CHRNA7: variants seen among roughly 807,000 people sequenced by gnomAD.
CHRNA7 encodes neuronal acetylcholine receptor subunit alpha-7.
In CHRNA7, 17 loss-of-function variants were observed where a neutral mutation model predicts 48.0. The ratio of observed to expected loss-of-function variants is 0.35; its 90% CI spans 0.24 to 0.53. The LOEUF (loss-of-function observed/expected upper bound fraction) is 0.53. Ranked by LOEUF, CHRNA7 falls within the 20% of genes least tolerant of loss-of-function variation. CHRNA7 has a pLI of 0.92. For missense variants in CHRNA7, 155 were observed against 577.7 expected (o/e 0.27, Z 7.50); for synonymous variants, 75 against 242.3 (o/e 0.31, Z 6.41).
At chr15:32,075,917 A>G (rs2050130220) in intron 2 of CHRNA7, among the ~76,000 whole-genome samples, 1 of 152,048 alleles carries the variant, frequency 6.6e-6, no homozygotes, top group Admixed American at 6.5e-5. Context: ...TATATTTTTA[A>G]AAATTATCTT....
intron 2 of CHRNA7, among the ~76,000 whole-genome samples, chr15:32,056,937 A>G (rs1040348576): frequency 3.3e-5 from 5 of 152,228 alleles, no homozygotes; most frequent in Non-Finnish European, 5.9e-5. Flanking sequence ...TGAATCAAGC[A>G]GCACTCAGGA....
intron 2 of CHRNA7, among the ~76,000 whole-genome samples, chr15:32,060,418 A>G (rs1264587749): frequency 1.3e-5 from 2 of 152,222 alleles, no homozygotes; most frequent in South Asian, 2.1e-4. Context: ...TAAATTATGC[A>G]TTTTCACATA....
intron 2 of CHRNA7, among the ~76,000 whole-genome samples, chr15:32,070,977 G>A (rs567416859): frequency 2.6e-5 from 4 of 152,074 alleles, no homozygotes; most frequent in East Asian, 1.9e-4. Context: ...ATGAGCCACC[G>A]TGCCTGGCCT....
intron 2 of CHRNA7, among the ~76,000 whole-genome samples, chr15:32,081,345 C>T (rs1032672857): frequency 6.6e-6 from 1 of 152,044 alleles, no homozygotes; most frequent in African/African-American, 2.4e-5. Context: ...AGAGTATTTA[C>T]ATTTAATGTA....
intron 2 of CHRNA7, 102 bp from the exon 3 acceptor site, chr15:32,101,201 C>G (rs960170256): frequency 7.9e-7 from 1 of 1,271,956 alleles, no homozygotes; most frequent in East Asian, 2.3e-5. Flanking sequence ...TTTCCACACA[C>G]AACAACGCTC....
At chr15:32,086,361 C>G (rs138656017) in intron 2 of CHRNA7, among the ~76,000 whole-genome samples, 1,133 of 71,378 alleles carry the variant, frequency 0.016, 21 homozygotes, top group African/African-American at 0.057. Context: ...GAGCGAGACT[C>G]CATCTCAAAA....
chr15:32,049,743 C>G (rs375733199), intron 2 of CHRNA7, among the ~76,000 whole-genome samples: 12 of 152,240 alleles, frequency 7.9e-5, no homozygotes, highest in African/African-American at 1.4e-4. Flanking sequence ...TCCTAGTCTC[C>G]ATGGTCTTTA....
intron 2 of CHRNA7, among the ~76,000 whole-genome samples, chr15:32,073,092 T>C (rs2050083629): frequency 6.6e-6 from 1 of 152,126 alleles, no homozygotes; most frequent in South Asian, 2.1e-4. Context: ...CTGCAGGCAG[T>C]CAACTCCAAC....
At chr15:32,116,233 A>AT in intron 4 of CHRNA7, among the ~76,000 whole-genome samples, 1 of 152,202 alleles carries the variant, frequency 6.6e-6, no homozygotes, top group Admixed American at 6.5e-5. Flanking sequence ...TGTCTGTCCT[A>AT]TTTCTCACTC....
At chr15:32,108,021 A>G (rs913355456) in intron 3 of CHRNA7, among the ~76,000 whole-genome samples, 1 of 152,084 alleles carries the variant, frequency 6.6e-6, no homozygotes, top group African/African-American at 2.4e-5. Flanking sequence ...TTATTATACC[A>G]TAATGTATTT....
At chr15:32,076,382 G>T (rs1285654191) in intron 2 of CHRNA7, among the ~76,000 whole-genome samples, 17 of 152,160 alleles carry the variant, frequency 1.1e-4, no homozygotes, top group Non-Finnish European at 2.5e-4. Context: ...TTTCTTGGCA[G>T]ATTGGCCTGT....
At chr15:32,136,319 C>T (rs963913203) in intron 4 of CHRNA7, among the ~76,000 whole-genome samples, 8 of 151,806 alleles carry the variant, frequency 5.3e-5, no homozygotes, top group Non-Finnish European at 1.0e-4. Context: ...GGTGAAACCC[C>T]ATCTCTACTA....
At chr15:32,041,050 G>T (rs540721117) in intron 2 of CHRNA7, among the ~76,000 whole-genome samples, 1 of 152,178 alleles carries the variant, frequency 6.6e-6, no homozygotes, top group South Asian at 2.1e-4. Context: ...CTAAAGGGAA[G>T]GGTTTTTTGT....
chr15:32,069,783 C>A (rs1053951574), intron 2 of CHRNA7, among the ~76,000 whole-genome samples: 1 of 151,904 alleles, frequency 6.6e-6, no homozygotes, highest in Non-Finnish European at 1.5e-5. Context: ...TTGAATTGTT[C>A]AGTGTGAAAA....
At chr15:32,131,566 A>AT (rs2051157791) in intron 4 of CHRNA7, among the ~76,000 whole-genome samples, 1 of 151,978 alleles carries the variant, frequency 6.6e-6, no homozygotes, top group South Asian at 2.1e-4. Context: ...GAGACTTTCT[A>AT]TTTTTTCACT....
intron 5 of CHRNA7, chr15:32,156,441 C>T (rs1419714010): frequency 1.5e-4 from 8 of 52,102 alleles, no homozygotes; most frequent in Non-Finnish European, 2.9e-4. Flanking sequence ...CTGTGGAGGC[C>T]CTTCCTGCGT....
intron 4 of CHRNA7, among the ~76,000 whole-genome samples, chr15:32,118,451 G>A (rs866703960): frequency 6.6e-6 from 1 of 152,174 alleles, no homozygotes; most frequent in Non-Finnish European, 1.5e-5. Context: ...GTATTAATCA[G>A]ATATTCACAC....
At chr15:32,150,500 G>C (rs563786349) in intron 4 of CHRNA7, among the ~76,000 whole-genome samples, 21 of 152,264 alleles carry the variant, frequency 1.4e-4, no homozygotes, top group African/African-American at 4.8e-4. Flanking sequence ...AATCTCATTT[G>C]GTGACTCCTT....
intron 4 of CHRNA7, among the ~76,000 whole-genome samples, chr15:32,128,459 T>C (rs2141312376): frequency 6.6e-6 from 1 of 152,030 alleles, no homozygotes; most frequent in South Asian, 2.1e-4. Context: ...TTTCCATCAG[T>C]ATTTTGTAGT....
Sources: allele counts gnomAD v4.1 joint callset (sites outside exome capture counted in the v4.1 genomes callset), GRCh38; gene constraint gnomAD v4.1.1; transcripts MANE v1.5; gene names NCBI Gene and HGNC (gene_info 2026-07-23, HGNC 2026-07-21).